Variants in TAF1B observed in about 807,000 individuals in gnomAD.
The protein encoded by TAF1B is TATA-box binding protein associated factor, RNA polymerase I subunit B.
In TAF1B, 61 loss-of-function variants were observed where a neutral mutation model predicts 83.9. The observed-to-expected ratio is 0.73, with a 90% CI of 0.59 to 0.90. The LOEUF (loss-of-function observed/expected upper bound fraction) is 0.90. TAF1B is among the 40% of genes least tolerant of loss of function. TAF1B has a pLI of 0.00. For missense variants in TAF1B, 625 were observed against 677.0 expected, an observed-to-expected ratio of 0.92 and a Z score of 0.85; for synonymous variants, 221 against 224.6, an observed-to-expected ratio of 0.98 and a Z score of 0.14.
intron 14 of TAF1B, among the ~76,000 whole-genome samples, chr2:9,925,284 C>A (rs1179136497): frequency 1.3e-5 from 2 of 151,722 alleles, no homozygotes; most frequent in Admixed American, 1.3e-4. Flanking sequence ...TACTAAAATA[C>A]AAAAAATTAG....
chr2:9,904,983 A>G lies in TAF1B; in HGVS notation c.932A>G (p.Tyr311Cys). 6.2e-7 allele frequency: 1 copy of G among 1,612,566 alleles called. No individual in the cohort carries two copies. Among genetic ancestry groups the G allele is most frequent in the Non-Finnish European group, 8.5e-7 (1 of 1,178,756 alleles). ...CATCCCAACATACTGTGTATGAAAT[A>G]CTTGATGGAAGTCAACCTCCCTGGT... ...YLHPNILCMKYLMEVNLPDEM... is the reference protein window; with the variant it reads ...YLHPNILCMKCLMEVNLPDEM... Residue 311 changes from tyrosine to cysteine, a missense_variant, in exon 9 of 15, where the codon TAC becomes TGC. Tyr to Cys is a radical substitution (Grantham distance 194, BLOSUM62 -2). Coordinates refer to ENST00000263663, the MANE Select transcript of TAF1B (RefSeq NM_005680.3).
At chr2:9,889,892 T>G (rs904782858) in intron 8 of TAF1B, among the ~76,000 whole-genome samples, 1 of 152,212 alleles carries the variant, frequency 6.6e-6, no homozygotes, top group East Asian at 1.9e-4. Context: ...GCTGTTTGCC[T>G]TCCGTGAGCT....
intron 12 of TAF1B, among the ~76,000 whole-genome samples, chr2:9,917,236 G>A (rs1414190244): frequency 6.6e-6 from 1 of 152,076 alleles, no homozygotes; most frequent in Non-Finnish European, 1.5e-5. Flanking sequence ...TTACTGACTT[G>A]ATCAAGTATT....
In TAF1B at chr2:9,919,076, C is replaced by T; in HGVS notation, c.1307C>T (p.Ser436Leu). 6.2e-7 allele frequency: 1 copy of T among 1,614,144 alleles called. No individual in the cohort carries two copies. Among genetic ancestry groups the T allele is most frequent in the Non-Finnish European group, 8.5e-7 (1 of 1,180,020 alleles). ...AAAAGTGAAAAGCCACTCTACTACTCATTTGTCGACAAACCAGTAGCATAT... is the reference window on the plus strand; with the variant it reads ...AAAAGTGAAAAGCCACTCTACTACTTATTTGTCGACAAACCAGTAGCATAT... ...LWKSEKPLYY[S>L]FVDKPVAYKK... The change falls in exon 13 of 15, where the codon TCA becomes TTA. Residue 436 changes from serine (S) to leucine (L), a missense_variant. Transcript: ENST00000263663.
At chr2:9,882,340 C>T (rs1250184598) in intron 7 of TAF1B, among the ~76,000 whole-genome samples, 4 of 152,088 alleles carry the variant, frequency 2.6e-5, no homozygotes, top group South Asian at 2.1e-4. Flanking sequence ...CCTCGTGATC[C>T]GCTTGCCTTG....
chr2:9,846,715 C>T (rs538502348), intron 2 of TAF1B, among the ~76,000 whole-genome samples: 19 of 152,356 alleles, frequency 1.2e-4, no homozygotes, highest in African/African-American at 4.3e-4. Flanking sequence ...AGCTGGAATG[C>T]TTATCTCTGC....
At chr2:9,905,231 T>C (rs562350911) in intron 9 of TAF1B, among the ~76,000 whole-genome samples, 1 of 152,302 alleles carries the variant, frequency 6.6e-6, no homozygotes, top group South Asian at 2.1e-4. Flanking sequence ...TCTGTTTTGG[T>C]GTGAGGGATT....
chr2:9,928,427 T>C (rs561671353), intron 14 of TAF1B, among the ~76,000 whole-genome samples: 1 of 152,316 alleles, frequency 6.6e-6, no homozygotes, highest in East Asian at 1.9e-4. Flanking sequence ...GGGATGGCAT[T>C]GAATCTATAA....
At chr2:9,873,212 G>C (rs1001549700) in intron 6 of TAF1B, among the ~76,000 whole-genome samples, 2 of 152,126 alleles carry the variant, frequency 1.3e-5, no homozygotes, top group African/African-American at 4.8e-5. Context: ...AAGACTGTCC[G>C]CCTTCAGGGT....
At chr2:9,895,877 A>C (rs1274606716) in intron 8 of TAF1B, among the ~76,000 whole-genome samples, 2 of 141,514 alleles carry the variant, frequency 1.4e-5, no homozygotes, top group African/African-American at 5.2e-5. Context: ...AGGGTATTGT[A>C]ATCAGGTTTA....
At chr2:9,893,070 A>G (rs888100485) in intron 8 of TAF1B, among the ~76,000 whole-genome samples, 2 of 152,188 alleles carry the variant, frequency 1.3e-5, no homozygotes, top group Non-Finnish European at 2.9e-5. Context: ...GCTTTTTTTC[A>G]CTTACATCTT....
chr2:9,875,808 T>C (rs1289607151), intron 6 of TAF1B, 57 bp from the exon 7 acceptor site: 1 of 1,503,094 alleles, frequency 6.7e-7, no homozygotes, highest in African/African-American at 1.4e-5. Flanking sequence ...TTGCTGTTTT[T>C]CTTTTGTTAT....
intron 8 of TAF1B, among the ~76,000 whole-genome samples, chr2:9,892,313 A>T (rs538445722): frequency 5.1e-4 from 78 of 152,312 alleles, no homozygotes; most frequent in African/African-American, 1.8e-3. Flanking sequence ...CTCTTCACAC[A>T]ATGAAATTAC....
chr2:9,867,333 A>G (rs1664017318), intron 5 of TAF1B, among the ~76,000 whole-genome samples: 1 of 152,190 alleles, frequency 6.6e-6, no homozygotes, highest in Admixed American at 6.5e-5. Context: ...TGGCAGTGGT[A>G]ACCTGTGGGA....
intron 14 of TAF1B, among the ~76,000 whole-genome samples, chr2:9,921,217 A>T (rs928072795): frequency 5.9e-5 from 9 of 152,082 alleles, no homozygotes; most frequent in Non-Finnish European, 1.3e-4. Flanking sequence ...TCAGCCTTCC[A>T]AGTAGCTGGA....
chr2:9,871,654 C>T (rs578242604), intron 6 of TAF1B, among the ~76,000 whole-genome samples: 3 of 152,184 alleles, frequency 2.0e-5, no homozygotes, highest in South Asian at 4.1e-4. Flanking sequence ...GCTTTGTTTC[C>T]GTGGTTAGTC....
chr2:9,918,947 A>G, intron 12 of TAF1B, 94 bp from the exon 13 acceptor site: 1 of 1,102,062 alleles, frequency 9.1e-7, no homozygotes, highest in South Asian at 1.3e-5. Context: ...CAGAGCTATA[A>G]CGAAATATCA....
At position 9,913,291 on chromosome 2, in the gene TAF1B, T is replaced by C. The variant is rs768658923; in HGVS notation, c.1271+42T>C. The C allele has an allele frequency of 6.8e-6, 10 of 1,479,734 alleles. No homozygotes were observed. The East Asian group carries it at 1.8e-4, about 27-fold the overall frequency. The allele number at this position is 1,479,734 out of a possible 1,614,324, so 91.7% of individuals were successfully genotyped here. On this transcript the variant is annotated intron_variant, in intron 12 of 14. Transcript: ENST00000263663. ...GGTTTAGATGCACCTGCCTTACTTC[T>C]GTGTCTGTTACTTTACATTTGAAAG...
intron 8 of TAF1B, among the ~76,000 whole-genome samples, chr2:9,885,709 C>A (rs774932391): frequency 1.1e-4 from 16 of 152,004 alleles, no homozygotes; most frequent in Non-Finnish European, 2.1e-4. Flanking sequence ...ATAACAATGT[C>A]TTTCTTCTGT....
Sources: gnomAD v4.1 joint callset for allele counts (sites outside exome capture counted in the v4.1 genomes callset) on GRCh38, gnomAD v4.1.1 for gene constraint, MANE v1.5 for transcripts, NCBI Gene and HGNC (gene_info 2026-07-23, HGNC 2026-07-21) for gene names.